The following DDHD2 variants were observed in gnomAD, a reference collection of about 807,000 sequenced individuals.
DDHD2 encodes the protein triacylglycerol hydrolase DDHD2.
DDHD2 carries 62 observed loss-of-function variants against 91.2 expected under a neutral mutation model. The observed-to-expected ratio is 0.68, with a 90% CI of 0.55 to 0.84. The LOEUF is 0.84. DDHD2 is among the 40% of genes least tolerant of loss of function. DDHD2 has a pLI of 0.00. For synonymous variants in DDHD2, 271 were observed against 293.9 expected (o/e 0.92, Z 0.80); for missense variants, 740 against 846.9 (o/e 0.87, Z 1.57).
Position 38,234,485 on chromosome 8 carries a change from T to G in DDHD2, c.312T>G (p.Asp104Glu), listed in dbSNP as rs765795609. The change falls in exon 3 of 18, where the codon GAT (aspartate) becomes GAG (glutamate). Residue 104 changes from aspartate to glutamate, a missense_variant. Physicochemically the swap from Asp to Glu is conservative, Grantham distance 45. This residue lies in a region of DDHD2 where 693 missense variants were observed against 764.2 expected (regional missense o/e 0.91). Transcript: ENST00000397166. Reference sequence around the variant, plus strand: ...GGATGCGGTATGCTGTATACTGGGATGAACTGGCATCGGAAGTGAGACGAT... The same window carrying G: ...GGATGCGGTATGCTGTATACTGGGAGGAACTGGCATCGGAAGTGAGACGAT... ...GERMRYAVYW[D>E]ELASEVRRCT... 4 of 1,613,544 alleles carry G rather than the reference T, an allele frequency of 2.5e-6. No individual in the cohort carries two copies. Among genetic ancestry groups the G allele is most frequent in the Admixed American group, 3.3e-5 (2 of 59,764 alleles).
At chr8:38,256,162 C>A (rs930378319) in intron 16 of DDHD2, among the ~76,000 whole-genome samples, 1 of 151,790 alleles carries the variant, frequency 6.6e-6, no homozygotes, top group Non-Finnish European at 1.5e-5. Context: ...CTTTTGTAAT[C>A]CCTCCCTTCT....
At chr8:38,248,670 G>A (rs1032010783) in intron 10 of DDHD2, among the ~76,000 whole-genome samples, 4 of 152,008 alleles carry the variant, frequency 2.6e-5, no homozygotes, top group African/African-American at 4.8e-5. Flanking sequence ...TAGCTGGCTG[G>A]GTGTGGTGGC....
chr8:38,252,679 G>T, intron 13 of DDHD2, 43 bp from the exon 14 acceptor site: 20 of 1,322,372 alleles, frequency 1.5e-5, no homozygotes, highest in Non-Finnish European at 2.2e-5. Flanking sequence ...TTTCCAGACT[G>T]TGCTTAGCAG....
At chr8:38,248,101 A>G (rs988663490) in intron 10 of DDHD2, among the ~76,000 whole-genome samples, 1 of 152,238 alleles carries the variant, frequency 6.6e-6, no homozygotes, top group African/African-American at 2.4e-5. Context: ...AAGAACAAAC[A>G]AATAAATAAC....
chr8:38,271,584 T>C (rs1178586336), downstream of DDHD2: 1 of 152,236 alleles, frequency 6.6e-6, no homozygotes, highest in Non-Finnish European at 1.5e-5. Flanking sequence ...GTTCTACTTT[T>C]TGTTTTACAA....
chr8:38,256,523 A>G (rs891041982), intron 16 of DDHD2, among the ~76,000 whole-genome samples: 6 of 151,944 alleles, frequency 3.9e-5, no homozygotes, highest in Non-Finnish European at 7.4e-5. Flanking sequence ...GGGTCTCACT[A>G]TGTTGCCCCT....
At chr8:38,259,959 T>A (rs1806853524) in intron 16 of DDHD2, 81 bp from the exon 17 acceptor site, 1 of 877,126 alleles carries the variant, frequency 1.1e-6, no homozygotes. Context: ...GATGGTTGTA[T>A]GGATTAAATG....
intron 3 of DDHD2, among the ~76,000 whole-genome samples, chr8:38,236,276 T>C (rs1197641312): frequency 6.6e-6 from 1 of 151,324 alleles, no homozygotes; most frequent in Admixed American, 6.6e-5. Flanking sequence ...CCTCCCAAAG[T>C]GCTGGGATTA....
rs114399666 is a variant in DDHD2 at position 38,259,191 on chromosome 8, G to A, written c.2055-849G>A. On this transcript the variant is annotated intron_variant, in intron 16 of 17. Coordinates refer to ENST00000397166, the MANE Select transcript of DDHD2 (RefSeq NM_015214.3). Reference sequence around the variant, plus strand: ...TCTCTAGAATGATCTCTGTGGAAAAGGAACAATTCTTGGTTATTTCTTACT... The same window carrying A: ...TCTCTAGAATGATCTCTGTGGAAAAAGAACAATTCTTGGTTATTTCTTACT... 7.0e-3 allele frequency among the ~76,000 whole-genome samples: 1,055 copies of A among 151,502 alleles called. 5 individuals are homozygous for A. Among genetic ancestry groups the A allele is most frequent in the African/African-American group, 0.024 (1,006 of 41,328 alleles).
intron 16 of DDHD2, among the ~76,000 whole-genome samples, chr8:38,257,662 A>ATTTTTT (rs35509320): frequency 2.7e-5 from 3 of 109,382 alleles, no homozygotes; most frequent in Non-Finnish European, 3.7e-5. Flanking sequence ...TTACCACAGT[A>ATTTTTT]TTTTTTTTTT....
intron 16 of DDHD2, among the ~76,000 whole-genome samples, chr8:38,258,288 GT>G (rs1327483161): frequency 6.8e-6 from 1 of 147,776 alleles, no homozygotes; most frequent in Non-Finnish European, 1.5e-5. Context: ...GTCTTGCTGT[GT>G]TGCCCAGGCT....
At chr8:38,245,118 G>C (rs1200372466) in intron 7 of DDHD2, among the ~76,000 whole-genome samples, 1 of 151,754 alleles carries the variant, frequency 6.6e-6, no homozygotes, top group Non-Finnish European at 1.5e-5. Flanking sequence ...CTTGCAATTA[G>C]TTGATATGTC....
intron 16 of DDHD2, among the ~76,000 whole-genome samples, chr8:38,255,137 G>A (rs185565315): frequency 5.0e-4 from 74 of 149,402 alleles, no homozygotes; most frequent in Middle Eastern, 3.5e-3. Context: ...AGAGGTTGCA[G>A]TGAGCGAGAT....
intron 17 of DDHD2, 84 bp downstream of exon 17, chr8:38,260,231 A>G: frequency 1.4e-6 from 1 of 720,596 alleles, no homozygotes; most frequent in Non-Finnish European, 2.3e-6. Context: ...AGCTCTTTTT[A>G]AATATACTAG....
chr8:38,265,122 C>T (rs1226094442), downstream of DDHD2: 10 of 570,632 alleles, frequency 1.8e-5, no homozygotes, highest in South Asian at 4.1e-5. Context: ...AAAAATTAGC[C>T]GGGCGTGGTG....
chr8:38,268,717 TCAATCA>T, intron 1 of DDHD2: 1 of 1,432,198 alleles, frequency 7.0e-7, no homozygotes, highest in Non-Finnish European at 9.1e-7. Context: ...CCCTCCTCTC[TCAATCA>T]GGATCTTAAA....
chr8:38,251,001 A>G (rs1806065438), intron 11 of DDHD2: 1 of 152,194 alleles, frequency 6.6e-6, no homozygotes, highest in Non-Finnish European at 1.5e-5. Flanking sequence ...GTACTTCCAC[A>G]TTCAGTTTTT....
In DDHD2 at chr8:38,246,152, T is replaced by G. The variant is rs1006247199; in HGVS notation, c.1058-81T>G. ...GTATAGATTTGCTTACATATGTAAT[T>G]GGCTTATGCCTTTTTTGTATAACAG... On this transcript the variant is annotated intron_variant, in intron 8 of 17. Transcript: ENST00000397166. 4.3e-6 allele frequency: 5 copies of G among 1,158,856 alleles called. No individual in the cohort carries two copies. The African/African-American group carries it at 7.7e-5, about 18-fold the overall frequency. The allele number at this position is 1,158,856 out of a possible 1,614,324, so 71.8% of individuals were successfully genotyped here.
Position 38,253,033 on chromosome 8 carries a change from G to A in DDHD2, c.1797G>A (p.Lys599=), listed in dbSNP as rs1190602641. Residue 599 remains lysine, a synonymous_variant, in exon 15 of 18, where the codon AAG becomes AAA. Coordinates refer to ENST00000397166, the MANE Select transcript of DDHD2 (RefSeq NM_015214.3). ...NLLGSLRMAW[K]SFTRAPYPAL... ...TAGGTTCGCTGCGGATGGCCTGGAA[G>A]TCTTTTACCAGAGCTCCATACCCTG... is the stretch of plus-strand genomic sequence containing the variant. 6.2e-7 allele frequency: 1 copy of A among 1,614,172 alleles called. No individual in the cohort carries two copies. Among genetic ancestry groups the A allele is most frequent in the Non-Finnish European group, 8.5e-7 (1 of 1,180,026 alleles).
Sources: allele counts gnomAD v4.1 joint callset (sites outside exome capture counted in the v4.1 genomes callset), GRCh38; gene constraint gnomAD v4.1.1; regional missense constraint gnomAD v4.1.1; transcripts MANE v1.5; gene names NCBI Gene and HGNC (gene_info 2026-07-23, HGNC 2026-07-21).